OSBPL1A: variants seen among roughly 807,000 people sequenced by gnomAD.
OSBPL1A encodes the protein oxysterol binding protein like 1A, also known as oxysterol-binding protein-related protein 1.
OSBPL1A carries 80 observed loss-of-function variants against 137.1 expected under a neutral mutation model. The observed-to-expected ratio is 0.58, with a 90% CI of 0.49 to 0.70. The LOEUF (loss-of-function observed/expected upper bound fraction) is 0.70, where lower values mean the gene tolerates loss of function less well. OSBPL1A is among the 30% of genes least tolerant of loss of function. The pLI is 0.00. For missense variants in OSBPL1A, 970 were observed against 1,129.4 expected, an observed-to-expected ratio of 0.86 and a Z score of 2.02; for synonymous variants, 365 against 389.7, an observed-to-expected ratio of 0.94 and a Z score of 0.75.
rs1233032367 is a variant in OSBPL1A at position 24,315,780 on chromosome 18, AAATAT to A, written c.870+1364_870+1368del. ...TATATAGTATATATTATATAATAAA[AAATAT>A]AATATAATATATAGTATATATTATA... On this transcript the variant is annotated intron_variant, in intron 11 of 27. Coordinates refer to ENST00000319481, the MANE Select transcript of OSBPL1A (RefSeq NM_080597.4). Among the ~76,000 whole-genome samples the A allele has an allele frequency of 7.2e-4, 83 of 114,776 alleles. 1 individual carries two copies. The highest frequency in any genetic ancestry group is 2.4e-3 in the African/African-American group (65 of 27,392). The allele number at this position is 114,776 out of a possible 152,430, so 75.3% of individuals were successfully genotyped here. A position where few individuals can be genotyped will look rare whatever the true frequency, so the allele number is the denominator to read the frequency against.
At chr18:24,315,375 A>G (rs898730935) in intron 11 of OSBPL1A, among the ~76,000 whole-genome samples, 5 of 151,962 alleles carry the variant, frequency 3.3e-5, no homozygotes, top group Non-Finnish European at 5.9e-5. Context: ...CTCATGAGCC[A>G]CACACACATA....
chr18:24,390,929 G>A (rs1360953843), intron 1 of OSBPL1A, among the ~76,000 whole-genome samples: 10 of 151,624 alleles, frequency 6.6e-5, no homozygotes, highest in African/African-American at 2.4e-4. Flanking sequence ...GTGAAACCCC[G>A]TCTCTACTAA....
At chr18:24,292,419 T>G (rs1484446081) in intron 14 of OSBPL1A, among the ~76,000 whole-genome samples, 2 of 152,200 alleles carry the variant, frequency 1.3e-5, no homozygotes. Flanking sequence ...TTAAATTTAC[T>G]AACTTGACAG....
At chr18:24,233,899 C>T (rs1189818451) in intron 16 of OSBPL1A, among the ~76,000 whole-genome samples, 6 of 152,156 alleles carry the variant, frequency 3.9e-5, no homozygotes, top group African/African-American at 1.4e-4. Flanking sequence ...GTGATCCACT[C>T]GCCTTGGCCT....
chr18:24,301,372 T>C (rs1047635953), intron 14 of OSBPL1A: 1 of 152,232 alleles, frequency 6.6e-6, no homozygotes, highest in Non-Finnish European at 1.5e-5. Context: ...CTTAATTTGG[T>C]TGTAATTCTG....
At chr18:24,374,113 T>G (rs2146201485) in intron 2 of OSBPL1A, among the ~76,000 whole-genome samples, 1 of 152,318 alleles carries the variant, frequency 6.6e-6, no homozygotes. Context: ...CAGTCTTTGC[T>G]GAAGAATGGG....
rs78778287 is a variant in OSBPL1A at position 24,189,700 on chromosome 18, C to T, written c.1677+6425G>A. Among the ~76,000 whole-genome samples the T allele has an allele frequency of 3.2e-4, 49 of 152,348 alleles. No individual in the cohort carries two copies. The East Asian group carries it at 8.1e-3, about 25-fold the overall frequency. On this transcript the variant is annotated intron_variant, in intron 18 of 27. Transcript: ENST00000319481. ...CCTAGCATCTCATCTATTAGTTTAT[C>T]ACTGCATGAGGTTCTTGCCATCTGA...
intron 14 of OSBPL1A, among the ~76,000 whole-genome samples, chr18:24,290,241 A>T (rs2090151302): frequency 6.6e-6 from 1 of 152,232 alleles, no homozygotes; most frequent in African/African-American, 2.4e-5. Flanking sequence ...TGTAGTGCAG[A>T]GTTTGAAAGA....
At chr18:24,375,021 T>TA (rs945759372) in intron 2 of OSBPL1A, among the ~76,000 whole-genome samples, 2 of 151,980 alleles carry the variant, frequency 1.3e-5, no homozygotes, top group African/African-American at 4.8e-5. Flanking sequence ...AAAAGGCTAC[T>TA]AAAAAAAGTA....
intron 15 of OSBPL1A, chr18:24,272,045 G>T: frequency 2.0e-6 from 2 of 982,432 alleles, no homozygotes; most frequent in Non-Finnish European, 2.4e-6. Context: ...CGTCCGGGCC[G>T]CTCCTCCCCT....
intron 1 of OSBPL1A, among the ~76,000 whole-genome samples, chr18:24,389,263 A>G (rs2144278326): frequency 6.6e-6 from 1 of 152,324 alleles, no homozygotes; most frequent in Non-Finnish European, 1.5e-5. Flanking sequence ...AATGTTTTCC[A>G]GGAAATAATT....
intron 15 of OSBPL1A, among the ~76,000 whole-genome samples, chr18:24,256,963 G>GAA (rs1567980593): frequency 2.0e-4 from 2 of 10,130 alleles, no homozygotes; most frequent in African/African-American, 8.7e-4. Flanking sequence ...TGAAGAGGAT[G>GAA]CAAAAAAAAA....
At chr18:24,175,120 A>G (rs1403820572) in intron 21 of OSBPL1A, among the ~76,000 whole-genome samples, 3 of 129,364 alleles carry the variant, frequency 2.3e-5, no homozygotes, top group African/African-American at 3.5e-5. Context: ...ATATATATAT[A>G]TATATATATA....
chr18:24,217,988 G>A (rs1294639323), intron 17 of OSBPL1A, among the ~76,000 whole-genome samples: 2 of 152,018 alleles, frequency 1.3e-5, no homozygotes, highest in Non-Finnish European at 2.9e-5. Flanking sequence ...CAGAACAAAC[G>A]ACCAGGTTTC....
intron 22 of OSBPL1A, among the ~76,000 whole-genome samples, chr18:24,171,973 C>CTCTG (rs2086297771): frequency 6.8e-6 from 1 of 146,578 alleles, no homozygotes; most frequent in Admixed American, 6.9e-5. Context: ...TGGAGTCTTG[C>CTCTG]TCTGTCATCC....
In OSBPL1A at chr18:24,185,937, G is replaced by A. The variant is rs538802683; in HGVS notation, c.1678-4658C>T. The stretch of plus-strand genomic sequence containing the variant: ...TAGAAAACTAGCTAAGTGTGGGGGC[G>A]TGCATCTGTAGTCCCAGCTTCTTGG... On this transcript the variant is annotated intron_variant, in intron 18 of 27. Transcript: ENST00000319481. Among the ~76,000 whole-genome samples the A allele has an allele frequency of 1.2e-4, 18 of 152,174 alleles. No individual in the cohort carries two copies. The East Asian group carries it at 1.4e-3, about 11-fold the overall frequency.
At chr18:24,231,353 C>T (rs2028736) in intron 16 of OSBPL1A, among the ~76,000 whole-genome samples, 68,034 of 152,002 alleles carry the variant, frequency 0.45, 16,938 homozygotes, top group East Asian at 0.94. Flanking sequence ...AGTGCAGTGG[C>T]GTGATCTCAG....
chr18:24,353,298 C>G (rs2091475282), intron 4 of OSBPL1A, among the ~76,000 whole-genome samples: 1 of 152,222 alleles, frequency 6.6e-6, no homozygotes, highest in South Asian at 2.1e-4. Flanking sequence ...ATTTACGCAG[C>G]CAAAAAACAC....
At chr18:24,347,113 T>C (rs893968269) in intron 4 of OSBPL1A, among the ~76,000 whole-genome samples, 9 of 152,202 alleles carry the variant, frequency 5.9e-5, no homozygotes, top group African/African-American at 9.6e-5. Flanking sequence ...TTGAAAGATA[T>C]ACTTTTTCTA....
Sources: gnomAD v4.1 joint callset for allele counts (sites outside exome capture counted in the v4.1 genomes callset) on GRCh38, gnomAD v4.1.1 for gene constraint, MANE v1.5 for transcripts, NCBI Gene and HGNC (gene_info 2026-07-23, HGNC 2026-07-21) for gene names.